Variants in CARD8 observed in about 807,000 individuals in gnomAD.
CARD8 encodes caspase recruitment domain-containing protein 8.
In CARD8, 38 loss-of-function variants were observed where a neutral mutation model predicts 53.2. The observed-to-expected ratio is 0.71, with a 90% CI of 0.55 to 0.94. The LOEUF is 0.94. CARD8 is among the 40% of genes least tolerant of loss of function. The pLI is 0.00. For missense variants in CARD8, 561 were observed against 655.5 expected (o/e 0.86, Z 1.57); for synonymous variants, 245 against 244.9 (o/e 1.00, Z 0.00).
intron 1 of CARD8, among the ~76,000 whole-genome samples, chr19:48,253,334 C>G (rs2047174311): frequency 6.6e-6 from 1 of 152,112 alleles, no homozygotes; most frequent in African/African-American, 2.4e-5. Flanking sequence ...ATCCACCTGC[C>G]TCAGCCTCCC....
intron 12 of CARD8, among the ~76,000 whole-genome samples, chr19:48,218,332 G>A (rs190998560): frequency 8.9e-4 from 134 of 149,856 alleles, no homozygotes; most frequent in African/African-American, 2.7e-3. Flanking sequence ...AGCCCTGCAC[G>A]CATTAGCTAT....
In CARD8 at chr19:48,211,516, ATTCT is replaced by A; in HGVS notation, c.*190_*193del. 1.7e-6 allele frequency: 1 copy of A among 577,086 alleles called. No individual in the cohort carries two copies. The highest frequency in any genetic ancestry group is 3.0e-6 in the Non-Finnish European group (1 of 329,778). The allele number at this position is 577,086 out of a possible 1,614,324, so 35.7% of individuals were successfully genotyped here. A position where few individuals can be genotyped will look rare whatever the true frequency, so the allele number is the denominator to read the frequency against. The stretch of plus-strand genomic sequence containing the variant: ...AGGAATATTACTACCTTCTTCAGAC[ATTCT>A]TGAGGAAAATGCATGAGGATACAGT... On this transcript the variant is annotated 3_prime_UTR_variant, in exon 14 of 14. Transcript: ENST00000651546.
At chr19:48,242,485 C>T (rs559835933) in intron 3 of CARD8, 1 of 152,182 alleles carries the variant, frequency 6.6e-6, no homozygotes, top group African/African-American at 2.4e-5. Context: ...GTGATGGATT[C>T]TTTCACTTCC....
chr19:48,206,118 G>A (rs573973938), downstream of CARD8, among the ~76,000 whole-genome samples: 34 of 151,944 alleles, frequency 2.2e-4, 1 homozygote, highest in Non-Finnish European at 3.4e-4. Context: ...GGCTGGTCTC[G>A]AACTCCTAAC....
intron 11 of CARD8, among the ~76,000 whole-genome samples, chr19:48,220,868 A>G (rs1021810729): frequency 6.6e-6 from 1 of 151,612 alleles, no homozygotes; most frequent in Non-Finnish European, 1.5e-5. Context: ...CCAAGACCAC[A>G]CCACTGCACT....
intron 5 of CARD8, among the ~76,000 whole-genome samples, chr19:48,235,300 A>G (rs930073254): frequency 2.6e-5 from 4 of 152,144 alleles, no homozygotes; most frequent in Non-Finnish European, 5.9e-5. Flanking sequence ...AATGGCCAAT[A>G]TGACAGCCAC....
In CARD8 at chr19:48,208,262, A is replaced by AT. The variant is rs2037510004; in HGVS notation, c.*3447dup. The stretch of plus-strand genomic sequence containing the variant: ...GAGGATGGAGCTGCAGAATCTGAGC[A>AT]TATAAAGACTTTTATGAATTCTAAC... On this transcript the variant is annotated 3_prime_UTR_variant, in exon 14 of 14. Coordinates refer to ENST00000651546, the MANE Select transcript of CARD8 (RefSeq NM_001184900.3). 1 of 152,194 alleles carries AT rather than the reference A, an allele frequency of 6.6e-6. No individual in the cohort carries two copies. The highest frequency in any genetic ancestry group is 6.5e-5 in the Admixed American group (1 of 15,274). The allele number at this position is 152,194 out of a possible 1,614,324, so 9.4% of individuals were successfully genotyped here. A position where few individuals can be genotyped will look rare whatever the true frequency, so the allele number is the denominator to read the frequency against.
At chr19:48,227,280 G>C (rs967661002) in intron 10 of CARD8, among the ~76,000 whole-genome samples, 2 of 152,144 alleles carry the variant, frequency 1.3e-5, no homozygotes, top group African/African-American at 4.8e-5. Context: ...ATATGGAGAG[G>C]GGAGGTTGGC....
chr19:48,231,641 C>G lies in CARD8; in HGVS notation c.542+19G>C, dbSNP rs769630161. On this transcript the variant is annotated intron_variant, in intron 8 of 13. Transcript: ENST00000651546. ...TATATCAGAGTGGTTTTCAAATCAT[C>G]AGCATCTTCCATTCTTACCTGTATC... is the stretch of plus-strand genomic sequence containing the variant. The G allele has an allele frequency of 2.5e-6, 4 of 1,568,652 alleles. No individual in the cohort carries two copies. In the South Asian group the frequency reaches 3.6e-5, roughly 14 times the overall value.
chr19:48,238,229 A>G, intron 5 of CARD8, 154 bp downstream of exon 5: 1 of 1,332,222 alleles, frequency 7.5e-7, no homozygotes, highest in South Asian at 1.6e-5. Context: ...AACTCTTTTG[A>G]AATAAAAACT....
intron 6 of CARD8, 44 bp from the exon 7 acceptor site, chr19:48,232,537 A>G: frequency 6.7e-7 from 1 of 1,489,900 alleles, no homozygotes; most frequent in Non-Finnish European, 9.1e-7. Flanking sequence ...GAAAAACATC[A>G]AGAATCAGTT....
chr19:48,207,733 T>TGG (rs777238171), downstream of CARD8, among the ~76,000 whole-genome samples: 8 of 68,054 alleles, frequency 1.2e-4, no homozygotes, highest in African/African-American at 3.1e-4. Flanking sequence ...GTTGTTTTTC[T>TGG]GTTTTTTTTT....
intron 4 of CARD8, among the ~76,000 whole-genome samples, 173 bp downstream of exon 4, chr19:48,240,789 C>G (rs956012408): frequency 2.9e-4 from 44 of 151,758 alleles, no homozygotes; most frequent in African/African-American, 1.0e-3. Context: ...AAAAAGTACA[C>G]CTGGGTGCCC....
At chr19:48,252,837 A>ACACACG in intron 1 of CARD8, among the ~76,000 whole-genome samples, 1 of 148,316 alleles carries the variant, frequency 6.7e-6, no homozygotes, top group East Asian at 1.9e-4. Context: ...ACACACACAC[A>ACACACG]TATGTGTATA....
chr19:48,253,988 A>T (rs1201441625), intron 1 of CARD8, among the ~76,000 whole-genome samples: 1 of 152,248 alleles, frequency 6.6e-6, no homozygotes, highest in Non-Finnish European at 1.5e-5. Context: ...TATCTCAAGC[A>T]TAGAGGAAAC....
intron 10 of CARD8, among the ~76,000 whole-genome samples, chr19:48,228,866 C>T (rs547103534): frequency 1.5e-4 from 23 of 152,204 alleles, no homozygotes; most frequent in East Asian, 1.4e-3. Context: ...CGGCCGGGCG[C>T]GGTGGCTCAT....
Position 48,238,516 on chromosome 19 carries a change from T to C in CARD8, c.76A>G (p.Arg26Gly), listed in dbSNP as rs1318515935. ...ATGAGTTTGGATGCATCTATGTTCC[T>C]ACTGGATCCACTGTCCCTGGGAAAA... ...ELPRRDSGSSRNIDASKLIRL... is the reference protein window; with the variant it reads ...ELPRRDSGSSGNIDASKLIRL... The change falls in exon 5 of 14, where the codon AGG becomes GGG. Residue 26 changes from arginine to glycine, a missense_variant. By Grantham distance (125) the Arg-to-Gly change is moderately radical. Transcript: ENST00000651546. 3.9e-6 allele frequency: 6 copies of C among 1,536,394 alleles called. No individual in the cohort carries two copies. The East Asian group carries it at 7.3e-5, about 19-fold the overall frequency.
At chr19:48,232,421 G>A (rs1460697412) in intron 7 of CARD8, 32 bp downstream of exon 7, 18 of 1,518,174 alleles carry the variant, frequency 1.2e-5, no homozygotes, top group South Asian at 6.0e-5. Flanking sequence ...CAATCCACAC[G>A]CCCTTCACTC....
intron 6 of CARD8, chr19:48,233,386 G>GT (rs1198773282): frequency 4.4e-6 from 2 of 456,238 alleles, no homozygotes; most frequent in Non-Finnish European, 8.8e-6. Context: ...CGTGGATTAG[G>GT]TTTAAAAAGA....
Sources: allele counts gnomAD v4.1 joint callset (sites outside exome capture counted in the v4.1 genomes callset), GRCh38; gene constraint gnomAD v4.1.1; transcripts MANE v1.5; gene names NCBI Gene and HGNC (gene_info 2026-07-23, HGNC 2026-07-21).